Variants in ANKRD30BL observed in about 807,000 individuals in gnomAD.
ANKRD30BL encodes the protein putative ankyrin repeat domain-containing protein 30B-like.
In ANKRD30BL, 20 loss-of-function variants were observed where a neutral mutation model predicts 18.4. The observed-to-expected ratio is 1.09, with a 90% CI of 0.77 to 1.58. The LOEUF (loss-of-function observed/expected upper bound fraction) is 1.58. Ranked by LOEUF, ANKRD30BL falls within the 40% of genes most tolerant of loss-of-function variation. ANKRD30BL has a pLI of 0.00. For missense variants in ANKRD30BL, 224 were observed against 268.6 expected (o/e 0.83, Z 1.16); for synonymous variants, 72 against 100.9 (o/e 0.71, Z 1.72).
chr2:132,254,892 C>G (rs79870059), intron 1 of ANKRD30BL, among the ~76,000 whole-genome samples: 5 of 152,296 alleles, frequency 3.3e-5, no homozygotes, highest in African/African-American at 1.2e-4. Flanking sequence ...CCCGTGGAAT[C>G]GAGAAAGAGC....
chr2:132,192,619 G>A (rs1573828765), intron 1 of ANKRD30BL, among the ~76,000 whole-genome samples: 1 of 152,254 alleles, frequency 6.6e-6, no homozygotes, highest in East Asian at 1.9e-4. Context: ...AGCAAGATGA[G>A]AGCAAGTGGA....
rs1688551044 is a variant in ANKRD30BL, at chr2:132,185,819, C to T, written n.442-28673G>A. Among the ~76,000 whole-genome samples, 3 of 152,080 alleles carry T rather than the reference C, an allele frequency of 2.0e-5. No homozygotes were observed. The South Asian group carries it at 6.2e-4, about 31-fold the overall frequency. ...ATAGAGAATACATTCACATGGATTA[C>T]TAGGAAAACTAAATTATCCTTTCAA... On this transcript the variant is annotated intron_variant and non_coding_transcript_variant, in intron 1 of 4. Coordinates refer to the ANKRD30BL transcript ENST00000470729.
At chr2:132,227,038 C>T (rs1188992159) in intron 1 of ANKRD30BL, among the ~76,000 whole-genome samples, 1 of 152,072 alleles carries the variant, frequency 6.6e-6, no homozygotes, top group Non-Finnish European at 1.5e-5. Context: ...GAAATATCTT[C>T]ATATAAAAAC....
chr2:132,153,490 C>T (rs931779799), intron 4 of ANKRD30BL: 3 of 465,690 alleles, frequency 6.4e-6, no homozygotes, highest in Admixed American at 2.4e-5. Flanking sequence ...AACTAACTCA[C>T]TGTCATTCAA....
intron 1 of ANKRD30BL, among the ~76,000 whole-genome samples, chr2:132,224,493 A>T (rs1024523069): frequency 9.9e-5 from 15 of 151,320 alleles, no homozygotes; most frequent in African/African-American, 3.4e-4. Context: ...TACTGGACAG[A>T]GGCATTCTCA....
At chr2:132,255,536 C>T (rs1680806776) in intron 1 of ANKRD30BL, among the ~76,000 whole-genome samples, 1 of 152,050 alleles carries the variant, frequency 6.6e-6, no homozygotes, top group African/African-American at 2.4e-5. Flanking sequence ...TTAACTGCAA[C>T]AACTTTAATA....
At chr2:132,158,830 A>AT (rs1489748046) in intron 1 of ANKRD30BL, among the ~76,000 whole-genome samples, 1 of 151,350 alleles carries the variant, frequency 6.6e-6, no homozygotes, top group African/African-American at 2.4e-5. Flanking sequence ...AATAAGATGT[A>AT]TATGTAAATC....
intron 1 of ANKRD30BL, among the ~76,000 whole-genome samples, chr2:132,173,963 T>A (rs1688323554): frequency 6.6e-6 from 1 of 152,194 alleles, no homozygotes; most frequent in South Asian, 2.1e-4. Context: ...GTCAGAACTG[T>A]ACATAGATTT....
At chr2:132,231,257 T>A (rs1347587234) in intron 1 of ANKRD30BL, among the ~76,000 whole-genome samples, 1 of 152,126 alleles carries the variant, frequency 6.6e-6, no homozygotes, top group Non-Finnish European at 1.5e-5. Context: ...TTTGAACCTG[T>A]CTTTTTGAAG....
intron 1 of ANKRD30BL, among the ~76,000 whole-genome samples, chr2:132,194,051 T>TCA (rs1278851987): frequency 9.3e-5 from 13 of 139,898 alleles, no homozygotes; most frequent in African/African-American, 3.6e-4. Flanking sequence ...TCTCTCTCTC[T>TCA]CTCTCACACA....
chr2:132,179,449 T>C (rs1395865775), intron 1 of ANKRD30BL, among the ~76,000 whole-genome samples: 2 of 151,982 alleles, frequency 1.3e-5, no homozygotes, highest in Non-Finnish European at 2.9e-5. Flanking sequence ...CAACTGCACC[T>C]GCCTAATTTT....
At chr2:132,226,072 A>G (rs1679836197) in intron 1 of ANKRD30BL, among the ~76,000 whole-genome samples, 1 of 152,092 alleles carries the variant, frequency 6.6e-6, no homozygotes, top group Non-Finnish European at 1.5e-5. Context: ...CATTCAACTC[A>G]CAGGGTTGGA....
In ANKRD30BL at chr2:132,161,562, C is replaced by T. The variant is rs1409782249; in HGVS notation, c.144G>A (p.Arg48=). ...TCCTCTCCAGCTTCCAGGCTTGGCC[C>T]CGGGAGGCAGCTTTGTGGATCTTCC... The part of the protein sequence containing the change: ...DLRKIHKAAS[R]GQAWKLERMM... Residue 48 remains arginine (R), a synonymous_variant, in exon 1 of 6, where the codon CGG becomes CGA. Coordinates refer to ENST00000409867, the MANE Select transcript of ANKRD30BL (RefSeq NM_001358416.1). 4.8e-6 allele frequency: 7 copies of T among 1,456,874 alleles called. No homozygotes were observed. Among genetic ancestry groups the T allele is most frequent in the Non-Finnish European group, 5.6e-6 (6 of 1,063,466 alleles). The allele number at this position is 1,456,874 out of a possible 1,614,324, so 90.2% of individuals were successfully genotyped here. A position where few individuals can be genotyped will look rare whatever the true frequency, so the allele number is the denominator to read the frequency against.
chr2:132,245,091 C>T (rs951583260), intron 1 of ANKRD30BL, among the ~76,000 whole-genome samples: 16 of 152,268 alleles, frequency 1.1e-4, no homozygotes, highest in South Asian at 4.1e-4. Flanking sequence ...TCATGGGAAA[C>T]GGGAATATCT....
chr2:132,153,498 C>G (rs1410720157), intron 4 of ANKRD30BL: 1 of 471,728 alleles, frequency 2.1e-6, no homozygotes, highest in East Asian at 6.7e-5. Flanking sequence ...CACTGTCATT[C>G]AAAAACTACC....
At chr2:132,163,652 G>A (rs1287524006), upstream of ANKRD30BL, among the ~76,000 whole-genome samples, 1 of 152,188 alleles carries the variant, frequency 6.6e-6, no homozygotes, top group Non-Finnish European at 1.5e-5. Flanking sequence ...TTATGTGATA[G>A]GGACCATGTG....
At chr2:132,183,012 T>A (rs1688499416) in intron 1 of ANKRD30BL, among the ~76,000 whole-genome samples, 1 of 152,138 alleles carries the variant, frequency 6.6e-6, no homozygotes, top group African/African-American at 2.4e-5. Context: ...AAAATAACGA[T>A]GTTGGATAAT....
chr2:132,225,189 C>A (rs997319099), intron 1 of ANKRD30BL, among the ~76,000 whole-genome samples: 3 of 151,954 alleles, frequency 2.0e-5, no homozygotes, highest in Non-Finnish European at 4.4e-5. Context: ...TCCGAAACTT[C>A]TTTGTTCTGT....
chr2:132,206,385 C>T (rs2104752456), intron 1 of ANKRD30BL, among the ~76,000 whole-genome samples: 1 of 152,168 alleles, frequency 6.6e-6, no homozygotes, highest in Admixed American at 6.6e-5. Flanking sequence ...GTAATAGTTG[C>T]TAAGTGTGTG....
Sources: allele counts gnomAD v4.1 joint callset (sites outside exome capture counted in the v4.1 genomes callset), GRCh38; gene constraint gnomAD v4.1.1; transcripts MANE v1.5; gene names NCBI Gene and HGNC (gene_info 2026-07-23, HGNC 2026-07-21).